Variants in TRAPPC8 observed in about 807,000 individuals in gnomAD.
TRAPPC8 encodes the protein trafficking protein particle complex subunit 8.
A neutral mutation model predicts 174.3 loss-of-function variants in TRAPPC8; 54 were observed. The ratio of observed to expected loss-of-function variants is 0.31; its 90% confidence interval spans 0.25 to 0.39. The LOEUF is 0.39. TRAPPC8 is among the 10% of genes least tolerant of loss of function. TRAPPC8 has a pLI of 1.00. For synonymous variants in TRAPPC8, 630 were observed against 579.9 expected (o/e 1.09, Z -1.24); for missense variants, 1,531 against 1,699.1 (o/e 0.90, Z 1.74).
At chr18:31,899,967 G>A (rs1164476798) in intron 10 of TRAPPC8, among the ~76,000 whole-genome samples, 2 of 152,040 alleles carry the variant, frequency 1.3e-5, no homozygotes, top group Non-Finnish European at 2.9e-5. Context: ...GCTGGGCATG[G>A]TGGCTCATGC....
chr18:31,914,660 G>A (rs751363236), intron 4 of TRAPPC8, among the ~76,000 whole-genome samples: 1 of 152,138 alleles, frequency 6.6e-6, no homozygotes, highest in Non-Finnish European at 1.5e-5. Context: ...AGGACAAGGC[G>A]GGTAATGATT....
intron 14 of TRAPPC8, among the ~76,000 whole-genome samples, chr18:31,872,482 G>A (rs1399304477): frequency 1.3e-5 from 2 of 151,900 alleles, no homozygotes; most frequent in Admixed American, 6.6e-5. Flanking sequence ...GCGCAGTGGC[G>A]AGATCTCGGC....
At chr18:31,868,712 G>GT (rs1339012386) in intron 16 of TRAPPC8, among the ~76,000 whole-genome samples, 41 of 151,360 alleles carry the variant, frequency 2.7e-4, no homozygotes, top group African/African-American at 9.5e-4. Context: ...TTGTTTTGTG[G>GT]TTTTTTTTGA....
chr18:31,919,490 G>A (rs983634680), intron 2 of TRAPPC8, among the ~76,000 whole-genome samples: 2 of 150,368 alleles, frequency 1.3e-5, no homozygotes, highest in East Asian at 1.9e-4. Context: ...CTGAGATGGC[G>A]TCACTGTACT....
intron 12 of TRAPPC8, among the ~76,000 whole-genome samples, chr18:31,881,523 C>A (rs1413493224): frequency 3.3e-5 from 5 of 151,946 alleles, no homozygotes; most frequent in Non-Finnish European, 2.9e-5. Flanking sequence ...AAAGATAAGA[C>A]CTCAAAGTAT....
intron 19 of TRAPPC8, among the ~76,000 whole-genome samples, chr18:31,862,052 G>T (rs2034356450): frequency 6.6e-6 from 1 of 151,138 alleles, no homozygotes; most frequent in Non-Finnish European, 1.5e-5. Context: ...ACACAGATCA[G>T]AATCTTCCCA....
intron 2 of TRAPPC8, among the ~76,000 whole-genome samples, chr18:31,923,099 T>C (rs919538770): frequency 6.6e-6 from 1 of 152,142 alleles, no homozygotes; most frequent in African/African-American, 2.4e-5. Flanking sequence ...CCTTTTAAAA[T>C]AAGATGCAGC....
chr18:31,855,632 A>G, intron 21 of TRAPPC8, 28 bp downstream of exon 21: 1 of 1,573,222 alleles, frequency 6.4e-7, no homozygotes, highest in Non-Finnish European at 8.6e-7. Flanking sequence ...TATAATTAAA[A>G]ACAAAATTCA....
At chr18:31,932,777 T>A (rs1318833560) in intron 1 of TRAPPC8, among the ~76,000 whole-genome samples, 1 of 148,956 alleles carries the variant, frequency 6.7e-6, no homozygotes, top group African/African-American at 2.5e-5. Flanking sequence ...AGGTCAGGAG[T>A]TCGAGACCAG....
intron 11 of TRAPPC8, among the ~76,000 whole-genome samples, chr18:31,891,671 T>A (rs1327355457): frequency 6.6e-6 from 1 of 152,160 alleles, no homozygotes; most frequent in Non-Finnish European, 1.5e-5. Context: ...TTTCTCCAGG[T>A]TTTTAGCTGT....
At position 31,849,668 on chromosome 18, in the gene TRAPPC8, T is replaced by A. The variant is rs777156150; in HGVS notation, c.3633A>T (p.Gln1211His). Reference sequence around the variant, plus strand: ...TTTCTGTATGCACAGGCAAGTGAGCTTGTGGTTTTTTCAATTCAGAAGATA... The same window carrying A: ...TTTCTGTATGCACAGGCAAGTGAGCATGTGGTTTTTTCAATTCAGAAGATA... The part of the protein sequence containing the change: ...RSLSSELKKP[Q>H]AHLPVHTEKQ... Residue 1211 changes from glutamine (Q) to histidine (H), a missense_variant, in exon 25 of 29, where the codon CAA (glutamine) becomes CAT (histidine). Gln to His is a conservative substitution (Grantham distance 24). Coordinates refer to ENST00000283351, the MANE Select transcript of TRAPPC8 (RefSeq NM_014939.5). 1 of 1,612,736 alleles carries A rather than the reference T, an allele frequency of 6.2e-7. No homozygotes were observed. Among genetic ancestry groups the A allele is most frequent in the Non-Finnish European group, 8.5e-7 (1 of 1,179,336 alleles).
intron 15 of TRAPPC8, among the ~76,000 whole-genome samples, 196 bp downstream of exon 15, chr18:31,870,730 T>C (rs1568068168): frequency 6.6e-6 from 1 of 152,234 alleles, no homozygotes; most frequent in Non-Finnish European, 1.5e-5. Flanking sequence ...CCCTCTTGTA[T>C]ATTCCAACAT....
intron 12 of TRAPPC8, chr18:31,883,840 T>C (rs2035576728): frequency 6.6e-6 from 1 of 152,226 alleles, no homozygotes. Flanking sequence ...AGCAAGCATC[T>C]GCTTTGTTCA....
At chr18:31,844,910 A>T (rs2033309711) in intron 26 of TRAPPC8, 1 of 152,136 alleles carries the variant, frequency 6.6e-6, no homozygotes, top group Non-Finnish European at 1.5e-5. Context: ...GCAACACATC[A>T]CTTAGTATAA....
chr18:31,838,367 C>T (rs1171560731), intron 27 of TRAPPC8, among the ~76,000 whole-genome samples: 1 of 152,174 alleles, frequency 6.6e-6, no homozygotes, highest in Non-Finnish European at 1.5e-5. Flanking sequence ...AAGGTCCCTT[C>T]TTTAGCGCAA....
At chr18:31,930,985 G>C (rs78868893) in intron 2 of TRAPPC8, among the ~76,000 whole-genome samples, 1 of 151,958 alleles carries the variant, frequency 6.6e-6, no homozygotes, top group Non-Finnish European at 1.5e-5. Flanking sequence ...ACATATTTAC[G>C]CATTTTATAA....
In TRAPPC8 at chr18:31,852,585, G is replaced by C; in HGVS notation, c.3502+10C>G. The C allele has an allele frequency of 1.9e-6, 3 of 1,613,824 alleles. No individual in the cohort carries two copies. Among genetic ancestry groups the C allele is most frequent in the Non-Finnish European group, 2.5e-6 (3 of 1,179,840 alleles). ...CCATTTAGTAAAGTGTAAAAGTAAAGTGAATTTACCTTCTTCTTTCTCACA... is the reference window on the plus strand; with the variant it reads ...CCATTTAGTAAAGTGTAAAAGTAAACTGAATTTACCTTCTTCTTTCTCACA... On this transcript the variant is annotated intron_variant, in intron 23 of 28. Transcript: ENST00000283351.
At chr18:31,873,185 T>C (rs1729095525) in intron 14 of TRAPPC8, among the ~76,000 whole-genome samples, 1 of 151,684 alleles carries the variant, frequency 6.6e-6, no homozygotes, top group Non-Finnish European at 1.5e-5. Context: ...GCCCAGCTAA[T>C]TTTTTGTATT....
chr18:31,839,471 G>GA lies in TRAPPC8; in HGVS notation c.3838-15dup, dbSNP rs750171321. 6.8e-7 allele frequency: 1 copy of GA among 1,477,780 alleles called. No individual in the cohort carries two copies. The highest frequency in any genetic ancestry group is 1.4e-5 in the South Asian group (1 of 69,318). 91.5% of individuals were successfully genotyped at this position (1,477,780 alleles called of 1,614,324 possible). The stretch of plus-strand genomic sequence containing the variant: ...TTCTGGTGGCTCCTGAGAAAAGAAA[G>GA]AAAAAACATATGACAATAAAAACAC... On this transcript the variant is annotated splice_polypyrimidine_tract_variant and intron_variant, in intron 26 of 28. Transcript: ENST00000283351.
Sources: gnomAD v4.1 joint callset for allele counts (sites outside exome capture counted in the v4.1 genomes callset) on GRCh38, gnomAD v4.1.1 for gene constraint, MANE v1.5 for transcripts, NCBI Gene and HGNC (gene_info 2026-07-23, HGNC 2026-07-21) for gene names.